C8orf34: variants seen among roughly 807,000 people sequenced by gnomAD.
C8orf34 encodes the protein uncharacterized protein C8orf34.
A neutral mutation model predicts 68.3 loss-of-function variants in C8orf34; 65 were observed. The ratio of observed to expected loss-of-function variants is 0.95; its 90% CI spans 0.78 to 1.17. The LOEUF is 1.17. Among genes scored for constraint, C8orf34 ranks in the 50% most tolerant of loss-of-function variants. The pLI, the probability that C8orf34 is intolerant of heterozygous loss-of-function variation, is 0.00. For synonymous variants in C8orf34, 244 were observed against 241.2 expected (o/e 1.01, Z -0.11); for missense variants, 664 against 655.4 (o/e 1.01, Z -0.14).
intron 1 of C8orf34, among the ~76,000 whole-genome samples, chr8:68,381,713 T>G (rs1027629543): frequency 2.8e-5 from 3 of 107,236 alleles, no homozygotes; most frequent in Non-Finnish European, 5.0e-5. Context: ...CAGTCCGGCC[T>G]GGGCGACAGA....
chr8:68,536,119 G>A (rs1815456919), intron 7 of C8orf34, among the ~76,000 whole-genome samples: 1 of 151,906 alleles, frequency 6.6e-6, no homozygotes, highest in African/African-American at 2.4e-5. Context: ...AGTGGCTTAA[G>A]CCTGTAATAC....
intron 5 of C8orf34, among the ~76,000 whole-genome samples, chr8:68,499,697 A>G (rs937059453): frequency 6.6e-6 from 1 of 152,188 alleles, no homozygotes; most frequent in African/African-American, 2.4e-5. Context: ...CAAAAGGAGC[A>G]ACTTTTCACT....
At chr8:68,740,882 T>C (rs1420157692) in intron 10 of C8orf34, among the ~76,000 whole-genome samples, 2 of 152,234 alleles carry the variant, frequency 1.3e-5, no homozygotes, top group African/African-American at 4.8e-5. Flanking sequence ...ATATACACTA[T>C]GGAATACTAT....
intron 12 of C8orf34, among the ~76,000 whole-genome samples, chr8:68,803,789 T>A (rs1563678897): frequency 6.6e-6 from 1 of 152,168 alleles, no homozygotes; most frequent in Non-Finnish European, 1.5e-5. Context: ...ATTATATTTC[T>A]TAACTTAGAT....
At chr8:68,433,661 C>T (rs778958447) in intron 1 of C8orf34, among the ~76,000 whole-genome samples, 14 of 152,150 alleles carry the variant, frequency 9.2e-5, no homozygotes, top group African/African-American at 1.7e-4. Context: ...GCTCAGTACA[C>T]GAATGGGTAA....
intron 8 of C8orf34, among the ~76,000 whole-genome samples, chr8:68,659,597 G>A (rs974152479): frequency 1.3e-5 from 2 of 152,140 alleles, no homozygotes; most frequent in East Asian, 1.9e-4. Context: ...TTGTTCACAG[G>A]AGTATACCTT....
At chr8:68,662,545 A>G (rs902100277) in intron 8 of C8orf34, among the ~76,000 whole-genome samples, 2 of 152,156 alleles carry the variant, frequency 1.3e-5, no homozygotes, top group Non-Finnish European at 2.9e-5. Flanking sequence ...TCCCCTGCAC[A>G]AGCTCTCTTG....
intron 5 of C8orf34, among the ~76,000 whole-genome samples, chr8:68,493,382 A>ATCAC (rs1813396622): frequency 6.6e-6 from 1 of 152,166 alleles, no homozygotes; most frequent in Non-Finnish European, 1.5e-5. Context: ...AAGATGCTCC[A>ATCAC]TATCACTAAT....
chr8:68,677,492 G>A (rs1420681867), intron 8 of C8orf34, among the ~76,000 whole-genome samples: 1 of 151,986 alleles, frequency 6.6e-6, no homozygotes, highest in African/African-American at 2.4e-5. Flanking sequence ...CCAAGTAACT[G>A]AGACTACAAG....
intron 9 of C8orf34, among the ~76,000 whole-genome samples, chr8:68,711,878 T>G (rs979872136): frequency 6.6e-6 from 1 of 152,078 alleles, no homozygotes; most frequent in Non-Finnish European, 1.5e-5. Context: ...CCTGCACACA[T>G]AGTCATCAGG....
chr8:68,473,466 C>T (rs371931547), intron 4 of C8orf34, among the ~76,000 whole-genome samples: 71 of 152,282 alleles, frequency 4.7e-4, no homozygotes, highest in African/African-American at 1.3e-3. Flanking sequence ...AAAGGGAAGA[C>T]AGAGCCACCA....
At chr8:68,437,773 A>G (rs182789480) in intron 1 of C8orf34, 32 of 152,290 alleles carry the variant, frequency 2.1e-4, no homozygotes, top group Admixed American at 1.8e-3. Flanking sequence ...ATCATAATGT[A>G]TTTATGGTAA....
chr8:68,637,955 C>T (rs966525580), intron 7 of C8orf34, among the ~76,000 whole-genome samples: 1 of 152,082 alleles, frequency 6.6e-6, no homozygotes, highest in Admixed American at 6.6e-5. Context: ...AGTGATTATG[C>T]TCTGATCCGA....
At chr8:68,454,490 T>G (rs894662985) in intron 3 of C8orf34, among the ~76,000 whole-genome samples, 2 of 152,062 alleles carry the variant, frequency 1.3e-5, no homozygotes. Context: ...GAGTCAGTAT[T>G]GGTAGTTTGC....
chr8:68,617,519 T>G (rs1586459468), intron 7 of C8orf34, among the ~76,000 whole-genome samples: 1 of 152,138 alleles, frequency 6.6e-6, no homozygotes, highest in African/African-American at 2.4e-5. Flanking sequence ...GTCTGTAAAG[T>G]ATTTTATTTC....
rs58680859 is a variant in C8orf34, at chr8:68,514,097, G to A, written c.766-7702G>A. ...CCCACAGCCACGAAAATTCAGGCTC[G>A]CAGACAATTTGAATGGTGAGTAAGA... On this transcript the variant is annotated intron_variant, in intron 5 of 13. Transcript: ENST00000518698. 9.0e-3 allele frequency among the ~76,000 whole-genome samples: 1,366 copies of A among 152,178 alleles called. 22 individuals are homozygous for A. Among genetic ancestry groups the A allele is most frequent in the African/African-American group, 0.03 (1,258 of 41,512 alleles).
At chr8:68,759,958 G>A (rs1168808994) in intron 10 of C8orf34, among the ~76,000 whole-genome samples, 1 of 152,168 alleles carries the variant, frequency 6.6e-6, no homozygotes, top group African/African-American at 2.4e-5. Context: ...CAGTATGACA[G>A]GAAGGGCAGC....
chr8:68,420,617 C>T (rs1485456834), intron 1 of C8orf34, among the ~76,000 whole-genome samples: 1 of 152,002 alleles, frequency 6.6e-6, no homozygotes, highest in Non-Finnish European at 1.5e-5. Flanking sequence ...TAAACAAGGA[C>T]AGTCTAGGGA....
chr8:68,789,848 T>G (rs1823944185), intron 12 of C8orf34, among the ~76,000 whole-genome samples: 1 of 152,218 alleles, frequency 6.6e-6, no homozygotes, highest in South Asian at 2.1e-4. Context: ...TAATATTGGA[T>G]TTATAGTTTA....
Sources: allele counts gnomAD v4.1 joint callset (sites outside exome capture counted in the v4.1 genomes callset), GRCh38; gene constraint gnomAD v4.1.1; transcripts MANE v1.5; gene names NCBI Gene and HGNC (gene_info 2026-07-23, HGNC 2026-07-21).